POU6F2: variants seen among roughly 807,000 people sequenced by gnomAD.
POU6F2 encodes POU domain, class 6, transcription factor 2.
In POU6F2, 31 loss-of-function variants were observed where a neutral mutation model predicts 71.3. That is an observed-to-expected ratio of 0.43 (90% CI 0.33 to 0.59). The LOEUF (loss-of-function observed/expected upper bound fraction) is 0.59, where lower values mean the gene tolerates loss of function less well. Ranked by LOEUF, POU6F2 falls within the 20% of genes least tolerant of loss-of-function variation. The pLI, the probability that POU6F2 is intolerant of heterozygous loss-of-function variation, is 0.04. For synonymous variants in POU6F2, 347 were observed against 355.7 expected (o/e 0.98, Z 0.27); for missense variants, 783 against 856.8 (o/e 0.91, Z 1.07).
At chr7:39,043,730 TG>T (rs1419955117) in intron 1 of POU6F2, among the ~76,000 whole-genome samples, 2 of 151,948 alleles carry the variant, frequency 1.3e-5, no homozygotes, top group African/African-American at 2.4e-5. Context: ...GCCGTTGTCT[TG>T]CTTGAATAGT....
chr7:38,999,144 C>A (rs1263108070), intron 1 of POU6F2, among the ~76,000 whole-genome samples: 1 of 152,052 alleles, frequency 6.6e-6, no homozygotes, highest in African/African-American at 2.4e-5. Flanking sequence ...ATAGCATCTC[C>A]CCTATACAGG....
intron 2 of POU6F2, among the ~76,000 whole-genome samples, chr7:39,087,183 T>A (rs531026188): frequency 1.5e-3 from 195 of 134,168 alleles, no homozygotes; most frequent in African/African-American, 4.8e-3. Context: ...TTTATTTATT[T>A]ATTTATTTAT....
intron 2 of POU6F2, among the ~76,000 whole-genome samples, chr7:39,137,012 C>CAAAA (rs11344179): frequency 1.2e-5 from 1 of 82,228 alleles, no homozygotes; most frequent in Non-Finnish European, 2.3e-5. Flanking sequence ...GAGACCCTGT[C>CAAAA]AAAAAAAAAA....
chr7:39,331,574 C>T (rs1785650982), intron 4 of POU6F2, among the ~76,000 whole-genome samples: 1 of 152,130 alleles, frequency 6.6e-6, no homozygotes, highest in Admixed American at 6.5e-5. Context: ...GTGGTGCGAT[C>T]TCGGCTCACT....
intron 1 of POU6F2, among the ~76,000 whole-genome samples, chr7:39,016,577 G>C (rs1789554428): frequency 6.6e-6 from 1 of 151,956 alleles, no homozygotes; most frequent in African/African-American, 2.4e-5. Context: ...CAGTTCAGTA[G>C]AAAAGACTCT....
At chr7:39,118,191 T>A (rs1052424524) in intron 2 of POU6F2, among the ~76,000 whole-genome samples, 3 of 152,126 alleles carry the variant, frequency 2.0e-5, no homozygotes, top group African/African-American at 7.2e-5. Context: ...GCAAAATGAC[T>A]CCTTCTCAGC....
chr7:39,184,045 G>A (rs1199709909), intron 2 of POU6F2, among the ~76,000 whole-genome samples: 2 of 152,102 alleles, frequency 1.3e-5, no homozygotes, highest in African/African-American at 4.8e-5. Context: ...CAAATGCCAG[G>A]GTCCTCCCTT....
At chr7:39,080,104 T>C (rs1791086176) in intron 1 of POU6F2, among the ~76,000 whole-genome samples, 1 of 152,186 alleles carries the variant, frequency 6.6e-6, no homozygotes, top group Non-Finnish European at 1.5e-5. Flanking sequence ...TAAAATATGG[T>C]CTTATTTCAG....
intron 2 of POU6F2, among the ~76,000 whole-genome samples, chr7:39,152,647 C>T (rs958675369): frequency 1.3e-5 from 2 of 152,128 alleles, no homozygotes; most frequent in Non-Finnish European, 2.9e-5. Context: ...TCCCCTGACT[C>T]GGCATCCAGC....
intron 5 of POU6F2, among the ~76,000 whole-genome samples, chr7:39,365,109 G>C (rs1413531818): frequency 6.6e-6 from 1 of 152,056 alleles, no homozygotes; most frequent in African/African-American, 2.4e-5. Flanking sequence ...CAAATCTGGA[G>C]GCATCACATT....
chr7:39,022,691 C>CT (rs1300883054), intron 1 of POU6F2, among the ~76,000 whole-genome samples: 2 of 152,090 alleles, frequency 1.3e-5, no homozygotes, highest in East Asian at 3.9e-4. Flanking sequence ...TGTATTGGGA[C>CT]TTTCCCCCGC....
At chr7:39,104,932 G>A (rs748623188) in intron 2 of POU6F2, among the ~76,000 whole-genome samples, 3 of 152,216 alleles carry the variant, frequency 2.0e-5, no homozygotes, top group South Asian at 4.1e-4. Context: ...AGTGAGCATA[G>A]CTCAATGTCT....
intron 4 of POU6F2, among the ~76,000 whole-genome samples, chr7:39,282,517 G>A (rs749688733): frequency 5.9e-5 from 9 of 152,014 alleles, no homozygotes; most frequent in Non-Finnish European, 1.2e-4. Flanking sequence ...CTAGTTTTGC[G>A]AGACCATTTA....
chr7:39,269,466 C>G (rs1011960394), intron 4 of POU6F2, among the ~76,000 whole-genome samples: 2 of 152,196 alleles, frequency 1.3e-5, no homozygotes, highest in Non-Finnish European at 2.9e-5. Context: ...TACAGATGGT[C>G]GGCTGGGCGG....
chr7:39,313,167 G>A (rs1315649034), intron 4 of POU6F2, among the ~76,000 whole-genome samples: 4 of 151,872 alleles, frequency 2.6e-5, no homozygotes, highest in East Asian at 1.9e-4. Context: ...CCCCATCCCC[G>A]ACTCCATTCC....
At chr7:39,435,941 G>A (rs10234719) in intron 7 of POU6F2, among the ~76,000 whole-genome samples, 51,177 of 151,918 alleles carry the variant, frequency 0.34, 9,629 homozygotes, top group East Asian at 0.58. Flanking sequence ...TTAGATGTGT[G>A]GTGTTATTTC....
At chr7:39,254,667 T>C (rs1783985662) in intron 4 of POU6F2, among the ~76,000 whole-genome samples, 1 of 152,180 alleles carries the variant, frequency 6.6e-6, no homozygotes. Context: ...TTGGCTTCCA[T>C]ACCATTTTGG....
At chr7:39,166,273 T>C (rs1263442494) in intron 2 of POU6F2, among the ~76,000 whole-genome samples, 1 of 152,218 alleles carries the variant, frequency 6.6e-6, no homozygotes, top group Non-Finnish European at 1.5e-5. Context: ...ACTTGGTTGG[T>C]TCCACAATTA....
chr7:39,263,663 G>A (rs1372928710), intron 4 of POU6F2, among the ~76,000 whole-genome samples: 2 of 97,500 alleles, frequency 2.1e-5, no homozygotes, highest in East Asian at 3.3e-4. Context: ...GCGTGTTCAC[G>A]CACACACACG....
Sources: allele counts gnomAD v4.1 joint callset (sites outside exome capture counted in the v4.1 genomes callset), GRCh38; gene constraint gnomAD v4.1.1; transcripts MANE v1.5; gene names NCBI Gene and HGNC (gene_info 2026-07-23, HGNC 2026-07-21).